The following CCDC90B variants were observed in gnomAD, a reference collection of about 807,000 sequenced individuals.
CCDC90B encodes coiled-coil domain containing 90B, also known as coiled-coil domain-containing protein 90B, mitochondrial.
In CCDC90B, 24 loss-of-function variants were observed where a neutral mutation model predicts 37.0. The observed-to-expected ratio is 0.65, with a 90% CI of 0.47 to 0.91. CCDC90B has a LOEUF of 0.91. Ranked by LOEUF, CCDC90B falls within the 40% of genes least tolerant of loss-of-function variation. CCDC90B has a pLI of 0.00. For missense variants in CCDC90B, 319 were observed against 299.0 expected, an observed-to-expected ratio of 1.07 and a Z score of -0.49; for synonymous variants, 113 against 101.1, an observed-to-expected ratio of 1.12 and a Z score of -0.71.
At chr11:83,273,416 AG>A (rs1009583661) in intron 7 of CCDC90B, 1 of 337,528 alleles carries the variant, frequency 3.0e-6, no homozygotes, top group Non-Finnish European at 5.4e-6. Flanking sequence ...AGTTTAAAAA[AG>A]CACACTATGT....
chr11:83,277,176 A>T (rs1337980206), intron 3 of CCDC90B, among the ~76,000 whole-genome samples: 1 of 152,236 alleles, frequency 6.6e-6, no homozygotes, highest in Admixed American at 6.5e-5. Context: ...TGGTCCTGGC[A>T]GCACAAATAT....
At chr11:83,262,874 T>G (rs1565205795) in intron 8 of CCDC90B, among the ~76,000 whole-genome samples, 2 of 152,216 alleles carry the variant, frequency 1.3e-5, no homozygotes, top group Non-Finnish European at 2.9e-5. Context: ...TTACAGCCAC[T>G]GGGCAATTAT....
In CCDC90B at chr11:83,284,405, C is replaced by T. The variant is rs185832914; in HGVS notation, c.100+1468G>A. ...TATTAATTTACTGCTAATTTTACAG[C>T]TGAAACACTTCAGTGTATAGCCAGT... On this transcript the variant is annotated intron_variant, in intron 1 of 8. Transcript: ENST00000529689. Among the ~76,000 whole-genome samples the T allele has an allele frequency of 1.6e-3, 240 of 152,324 alleles. 1 individual carries two copies. Among genetic ancestry groups the T allele is most frequent in the Non-Finnish European group, 2.4e-3 (162 of 68,026 alleles).
intron 8 of CCDC90B, among the ~76,000 whole-genome samples, chr11:83,264,154 G>A (rs1864102754): frequency 6.6e-6 from 1 of 152,096 alleles, no homozygotes; most frequent in South Asian, 2.1e-4. Context: ...GTTCAATACA[G>A]TATTGTCCTT....
At chr11:83,264,406 T>C (rs1046959085) in intron 8 of CCDC90B, among the ~76,000 whole-genome samples, 1 of 152,242 alleles carries the variant, frequency 6.6e-6, no homozygotes, top group Non-Finnish European at 1.5e-5. Context: ...TTACTACTAA[T>C]AGTAAATACA....
chr11:83,260,232 CCTT>C lies in CCDC90B; in HGVS notation c.*1676_*1678del, dbSNP rs1213480954. ...ATAATTTACTTGTTTATGTCTCTCTCCTTAAGATTGTCAATTCAATGAGAATGA... is the reference window on the plus strand; with the variant it reads ...ATAATTTACTTGTTTATGTCTCTCTCAAGATTGTCAATTCAATGAGAATGA... On this transcript the variant is annotated 3_prime_UTR_variant, in exon 9 of 9. Transcript: ENST00000529689. 1.3e-5 allele frequency: 2 copies of C among 152,152 alleles called. No individual in the cohort carries two copies. Among genetic ancestry groups the C allele is most frequent in the African/African-American group, 4.8e-5 (2 of 41,434 alleles). The allele number at this position is 152,152 out of a possible 1,614,324, so 9.4% of individuals were successfully genotyped here.
chr11:83,279,484 CTTT>C (rs774832767), intron 2 of CCDC90B, among the ~76,000 whole-genome samples: 1 of 151,930 alleles, frequency 6.6e-6, no homozygotes, highest in Non-Finnish European at 1.5e-5. Context: ...ATTACATATA[CTTT>C]TTGTTATTTA....
intron 2 of CCDC90B, among the ~76,000 whole-genome samples, chr11:83,279,038 C>T (rs1336408026): frequency 2.0e-5 from 3 of 152,120 alleles, no homozygotes; most frequent in Admixed American, 2.0e-4. Flanking sequence ...AATCCCAGCA[C>T]TTTGGGAGGC....
At chr11:83,276,564 G>A (rs990116380) in intron 3 of CCDC90B, among the ~76,000 whole-genome samples, 4 of 152,152 alleles carry the variant, frequency 2.6e-5, no homozygotes, top group African/African-American at 9.7e-5. Context: ...TGGCCAGGCT[G>A]GTCTCGAACT....
Position 83,260,847 on chromosome 11 carries a change from T to A in CCDC90B, c.*1064A>T, listed in dbSNP as rs1285333814. 6.6e-6 allele frequency: 1 copy of A among 152,182 alleles called. No individual in the cohort carries two copies. Among genetic ancestry groups the A allele is most frequent in the African/African-American group, 2.4e-5 (1 of 41,456 alleles). 9.4% of individuals were successfully genotyped at this position (152,182 alleles called of 1,614,324 possible). On this transcript the variant is annotated 3_prime_UTR_variant, in exon 9 of 9. Coordinates refer to ENST00000529689, the MANE Select transcript of CCDC90B (RefSeq NM_021825.5). ...CTAATAACAAAACAAAATACGAATT[T>A]AAATTTTCCTATGAGTTTCTTGAGA...
At position 83,260,287 on chromosome 11, in the gene CCDC90B, GGACTA is replaced by G. The variant is rs775088728; in HGVS notation, c.*1619_*1623del. On this transcript the variant is annotated 3_prime_UTR_variant, in exon 9 of 9. Transcript: ENST00000529689. ...ACCATGTTCATCTCTGTGCACACAGGGACTAGCATGCTGTTTGGCATATAGCAGGC... is the reference window on the plus strand; with the variant it reads ...ACCATGTTCATCTCTGTGCACACAGGGCATGCTGTTTGGCATATAGCAGGC... 1.3e-5 allele frequency: 2 copies of G among 152,050 alleles called. No individual in the cohort carries two copies. Among genetic ancestry groups the G allele is most frequent in the Non-Finnish European group, 2.9e-5 (2 of 68,008 alleles). 9.4% of individuals were successfully genotyped at this position (152,050 alleles called of 1,614,324 possible).
Position 83,285,917 on chromosome 11 carries a change from C to G in CCDC90B, c.56G>C (p.Trp19Ser), listed in dbSNP as rs1442965311. Residue 19 changes from tryptophan to serine, a missense_variant, in exon 1 of 9, where the codon TGG (tryptophan) becomes TCG (serine). Trp to Ser is a radical substitution (Grantham distance 177, BLOSUM62 -3). Transcript: ENST00000529689. The stretch of plus-strand genomic sequence containing the variant: ...GAAATGCCCGCGGGGCCTTGAAACC[C>G]AACGATCTCCTCTGCCTTGGGAGAG... ...LFLSQGRGDR[W>S]VSRPRGHFSP... 1.2e-6 allele frequency: 2 copies of G among 1,613,610 alleles called. No individual in the cohort carries two copies. The highest frequency in any genetic ancestry group is 3.3e-5 in the Admixed American group (2 of 59,996).
At position 83,274,009 on chromosome 11, in the gene CCDC90B, T is replaced by A; in HGVS notation, c.427-17A>T. 1 of 1,524,164 alleles carries A rather than the reference T, an allele frequency of 6.6e-7. No homozygotes were observed. Among genetic ancestry groups the A allele is most frequent in the Non-Finnish European group, 8.8e-7 (1 of 1,138,484 alleles). 94.4% of individuals were successfully genotyped at this position (1,524,164 alleles called of 1,614,324 possible). On this transcript the variant is annotated splice_polypyrimidine_tract_variant and intron_variant, in intron 4 of 8. Transcript: ENST00000529689. ...TTTCATTTTCTAGGTACAGGAAAGA[T>A]CACATGCAATTAGCATTAAACCAAG...
chr11:83,280,913 G>T (rs890638120), intron 1 of CCDC90B, among the ~76,000 whole-genome samples: 1 of 152,192 alleles, frequency 6.6e-6, no homozygotes, highest in Non-Finnish European at 1.5e-5. Context: ...AATCATGGAC[G>T]TATTTACTGG....
chr11:83,278,790 A>T lies in CCDC90B; in HGVS notation c.260T>A (p.Leu87Ter). Residue 87 changes from leucine to a stop codon, truncating the protein, a stop_gained, in exon 3 of 9, where the codon TTA becomes TAA. Transcript: ENST00000529689. LOFTEE classifies it high-confidence loss of function. ...KTQAETIVSA[L>*]TALSNVSLDT... The stretch of plus-strand genomic sequence containing the variant: ...CAGGCTGACATTTGATAAAGCAGTT[A>T]ACGCTGATACAATTGTTTCTGCTTG... 1 of 1,613,696 alleles carries T rather than the reference A, an allele frequency of 6.2e-7. No individual in the cohort carries two copies. Among genetic ancestry groups the T allele is most frequent in the Non-Finnish European group, 8.5e-7 (1 of 1,179,810 alleles).
intron 8 of CCDC90B, among the ~76,000 whole-genome samples, chr11:83,262,740 C>A (rs1201755874): frequency 6.6e-6 from 1 of 152,152 alleles, no homozygotes; most frequent in Admixed American, 6.5e-5. Flanking sequence ...TTGTACACCA[C>A]CCCATTTGAT....
At chr11:83,285,178 C>G (rs560568239) in intron 1 of CCDC90B, 2 of 1,284,626 alleles carry the variant, frequency 1.6e-6, no homozygotes, top group African/African-American at 3.1e-5. Context: ...GCCTATTCGC[C>G]TATTTTGTGG....
intron 7 of CCDC90B, among the ~76,000 whole-genome samples, chr11:83,267,632 C>T (rs546914516): frequency 8.9e-4 from 135 of 152,254 alleles, no homozygotes; most frequent in Non-Finnish European, 1.6e-3. Context: ...ATCAAATCTA[C>T]GTTTGATTGG....
At chr11:83,267,217 T>A (rs1020199048) in intron 7 of CCDC90B, 3 of 152,234 alleles carry the variant, frequency 2.0e-5, no homozygotes, top group African/African-American at 7.2e-5. Flanking sequence ...TCCAGAGGAT[T>A]GCAGCTCCTT....
Sources: allele counts gnomAD v4.1 joint callset (sites outside exome capture counted in the v4.1 genomes callset), GRCh38; gene constraint gnomAD v4.1.1; transcripts MANE v1.5; gene names NCBI Gene and HGNC (gene_info 2026-07-23, HGNC 2026-07-21).